The following SLC2A13 variants were observed in gnomAD, a reference collection of about 807,000 sequenced individuals.
SLC2A13 encodes the protein proton myo-inositol cotransporter.
Under a neutral mutation model 64.4 loss-of-function variants are expected in SLC2A13, and 32 were observed. That is an observed-to-expected ratio of 0.50 (90% confidence interval 0.37 to 0.67). The LOEUF (loss-of-function observed/expected upper bound fraction) is 0.67, where lower values mean the gene tolerates loss of function less well. Ranked by LOEUF, SLC2A13 falls within the 30% of genes least tolerant of loss-of-function variation. The probability of loss-of-function intolerance (pLI) is 0.00; values close to 1 mark genes in which losing one functional copy is unlikely to be tolerated. For missense variants in SLC2A13, 743 were observed against 829.2 expected (o/e 0.90, Z 1.28); for synonymous variants, 338 against 327.1 (o/e 1.03, Z -0.36).
chr12:40,105,272 C>G lies in SLC2A13; in HGVS notation c.537G>C (p.Leu179=). The G allele has an allele frequency of 6.3e-7, 1 of 1,596,442 alleles. No homozygotes were observed. Among genetic ancestry groups the G allele is most frequent in the Non-Finnish European group, 8.5e-7 (1 of 1,173,992 alleles). ...NNKETLLAGR[L]VVGLGIGIAS... ...ACTCACCGATGCCGAGTCCCACGAC[C>G]AGGCGGCCGGCGAGCAGTGTCTCCT... Residue 179 remains leucine (L), a synonymous_variant, in exon 1 of 10, where the codon CTG becomes CTC. Coordinates refer to ENST00000280871, the MANE Select transcript of SLC2A13 (RefSeq NM_052885.4). This position sits in a 1 kb window ranked among gnomAD's most constrained non-coding sequence, Gnocchi z 4.2.
At chr12:40,004,778 A>C (rs1947385406) in intron 3 of SLC2A13, among the ~76,000 whole-genome samples, 1 of 152,242 alleles carries the variant, frequency 6.6e-6, no homozygotes. Flanking sequence ...CAGTTGATTA[A>C]TATATATTTT....
chr12:39,938,740 G>C (rs920989353), intron 4 of SLC2A13, among the ~76,000 whole-genome samples: 1 of 149,644 alleles, frequency 6.7e-6, no homozygotes, highest in Non-Finnish European at 1.5e-5. Context: ...ACAGTACTAA[G>C]AAAGTTCACA....
chr12:39,832,436 T>C (rs192776310), intron 6 of SLC2A13, among the ~76,000 whole-genome samples: 1 of 152,214 alleles, frequency 6.6e-6, no homozygotes, highest in Non-Finnish European at 1.5e-5. Flanking sequence ...AAAAGCATAA[T>C]GATAAAGGCT....
chr12:40,097,784 A>G (rs1939002406), intron 1 of SLC2A13, among the ~76,000 whole-genome samples: 1 of 152,200 alleles, frequency 6.6e-6, no homozygotes, highest in Admixed American at 6.5e-5. Context: ...GTAGCAATGT[A>G]AAATGCAGCC....
rs1025617728 is a variant in SLC2A13, at chr12:39,964,842, G to A, written c.926-13477C>T. ...TCTTGGTCAATTAAACTCTTTCCAT[G>A]AAAGCTATAAGAGGCTGCTGAACCT... On this transcript the variant is annotated intron_variant, in intron 3 of 9. Transcript: ENST00000280871. 2.0e-5 allele frequency among the ~76,000 whole-genome samples: 3 copies of A among 152,220 alleles called. No homozygotes were observed. In the East Asian group the frequency reaches 5.8e-4, roughly 29 times the overall value.
chr12:40,099,234 A>T (rs1939066596), intron 1 of SLC2A13, among the ~76,000 whole-genome samples: 1 of 152,184 alleles, frequency 6.6e-6, no homozygotes, highest in Non-Finnish European at 1.5e-5. Flanking sequence ...CTGACAATGG[A>T]AGTTTTGATA....
At chr12:40,083,074 A>T (rs17458403) in intron 1 of SLC2A13, among the ~76,000 whole-genome samples, 18,760 of 151,640 alleles carry the variant, frequency 0.12, 1,544 homozygotes, top group Middle Eastern at 0.18. Flanking sequence ...TTAAATAGCA[A>T]TTTTCAATAG....
intron 2 of SLC2A13, among the ~76,000 whole-genome samples, chr12:40,035,307 A>C (rs1485764413): frequency 3.3e-5 from 5 of 152,226 alleles, no homozygotes; most frequent in Non-Finnish European, 7.3e-5. Context: ...TTAATGCAAA[A>C]GTTTTAGATG....
intron 3 of SLC2A13, among the ~76,000 whole-genome samples, chr12:40,015,624 C>T (rs1017634183): frequency 1.3e-5 from 2 of 152,208 alleles, no homozygotes; most frequent in Non-Finnish European, 2.9e-5. Flanking sequence ...AACACTCTCC[C>T]TCCTCCACTG....
At chr12:39,846,949 G>A (rs1051520954) in intron 6 of SLC2A13, among the ~76,000 whole-genome samples, 3 of 152,144 alleles carry the variant, frequency 2.0e-5, no homozygotes, top group African/African-American at 7.2e-5. Context: ...CATTTGTTCA[G>A]ATCACTCATT....
chr12:39,992,168 G>T (rs1947148603), intron 3 of SLC2A13, among the ~76,000 whole-genome samples: 1 of 152,130 alleles, frequency 6.6e-6, no homozygotes, highest in Non-Finnish European at 1.5e-5. Context: ...CATTTGCCCT[G>T]AATTGATATT....
At chr12:39,919,095 C>A (rs1945570834) in intron 4 of SLC2A13, among the ~76,000 whole-genome samples, 1 of 151,938 alleles carries the variant, frequency 6.6e-6, no homozygotes, top group African/African-American at 2.4e-5. Context: ...ATCCTCCCAC[C>A]TCAGTCTCCC....
intron 4 of SLC2A13, among the ~76,000 whole-genome samples, chr12:39,888,765 C>T (rs6581421): frequency 0.99 from 150,900 of 152,346 alleles, 74,756 homozygotes; most frequent in Middle Eastern, 1. Context: ...TTTCCTCTAT[C>T]TGAAATTCTC....
At chr12:39,805,137 C>A (rs1398316056) in intron 7 of SLC2A13, among the ~76,000 whole-genome samples, 1 of 148,290 alleles carries the variant, frequency 6.7e-6, no homozygotes, top group Non-Finnish European at 1.5e-5. Flanking sequence ...ACAGCAAGGG[C>A]AGGCCAGGCC....
At chr12:39,919,544 T>A (rs1945578719) in intron 4 of SLC2A13, among the ~76,000 whole-genome samples, 4 of 152,050 alleles carry the variant, frequency 2.6e-5, no homozygotes, top group Admixed American at 1.3e-4. Flanking sequence ...ACATAGTAAT[T>A]TAAAAAATCT....
chr12:39,841,989 T>C (rs559218410), intron 6 of SLC2A13, among the ~76,000 whole-genome samples: 13 of 152,230 alleles, frequency 8.5e-5, no homozygotes, highest in Admixed American at 4.6e-4. Context: ...TGTTCTCATT[T>C]AATTCTTACA....
intron 4 of SLC2A13, among the ~76,000 whole-genome samples, chr12:39,900,688 A>C (rs1259995189): frequency 6.6e-6 from 1 of 152,194 alleles, no homozygotes; most frequent in African/African-American, 2.4e-5. Context: ...GAAATAAAAG[A>C]GGATACAAAC....
intron 7 of SLC2A13, among the ~76,000 whole-genome samples, chr12:39,798,288 G>C (rs1941650599): frequency 6.6e-6 from 1 of 152,188 alleles, no homozygotes; most frequent in South Asian, 2.1e-4. Flanking sequence ...CAGAGCCTCA[G>C]CTCAGCTTCT....
Position 39,973,253 on chromosome 12 carries a change from A to C in SLC2A13, c.926-21888T>G, listed in dbSNP as rs548166857. 5.4e-4 allele frequency among the ~76,000 whole-genome samples: 83 copies of C among 152,304 alleles called. 1 individual carries two copies. Among genetic ancestry groups the C allele is most frequent in the Middle Eastern group, 6.8e-3 (2 of 294 alleles). ...AGTCTCTGCTATCTCACCTAAACTA[A>C]GCGCAGCATTGGAAACAGTGGCTTT... On this transcript the variant is annotated intron_variant, in intron 3 of 9. Transcript: ENST00000280871.
Sources: allele counts gnomAD v4.1 joint callset (sites outside exome capture counted in the v4.1 genomes callset), GRCh38; gene constraint gnomAD v4.1.1; non-coding constraint Gnocchi (gnomAD v3.1); transcripts MANE v1.5; gene names NCBI Gene and HGNC (gene_info 2026-07-23, HGNC 2026-07-21).